Variants in CSMD1 observed in about 807,000 individuals in gnomAD.
The protein encoded by CSMD1 is CUB and Sushi multiple domains 1.
CSMD1 carries 213 observed loss-of-function variants against 417.5 expected under a neutral mutation model. That is an observed-to-expected ratio of 0.51 (90% confidence interval 0.46 to 0.57). The LOEUF (loss-of-function observed/expected upper bound fraction) is 0.57. Ranked by LOEUF, CSMD1 falls within the 20% of genes least tolerant of loss-of-function variation. The probability of loss-of-function intolerance (pLI) is 0.00; values close to 1 mark genes in which losing one functional copy is unlikely to be tolerated. For missense variants in CSMD1, 6,923 were observed against 4,529.7 expected (o/e 1.53, Z -15.17); for synonymous variants, 2,862 against 1,736.8 (o/e 1.65, Z -16.11).
chr8:3,165,915 G>A (rs998728493), intron 37 of CSMD1, among the ~76,000 whole-genome samples: 2 of 152,098 alleles, frequency 1.3e-5, no homozygotes, highest in Admixed American at 6.5e-5. Flanking sequence ...GAAAGGAGGT[G>A]GGGGAATGTA....
At chr8:4,774,785 G>T (rs1796763627) in intron 1 of CSMD1, among the ~76,000 whole-genome samples, 1 of 152,044 alleles carries the variant, frequency 6.6e-6, no homozygotes, top group Non-Finnish European at 1.5e-5. Context: ...AAAGCCTGTA[G>T]CACCTCCCCG....
At chr8:3,842,260 C>T (rs1406975355) in intron 5 of CSMD1, among the ~76,000 whole-genome samples, 3 of 152,218 alleles carry the variant, frequency 2.0e-5, no homozygotes, top group Non-Finnish European at 4.4e-5. Flanking sequence ...ACATTCAAAA[C>T]TAATTCCCAA....
At chr8:3,409,070 T>C (rs1812522322) in intron 13 of CSMD1, among the ~76,000 whole-genome samples, 1 of 152,198 alleles carries the variant, frequency 6.6e-6, no homozygotes, top group Non-Finnish European at 1.5e-5. Flanking sequence ...TTAAGTGTTA[T>C]ACAGCATTAT....
chr8:3,386,997 C>A (rs1384171318), intron 18 of CSMD1, among the ~76,000 whole-genome samples: 1 of 152,186 alleles, frequency 6.6e-6, no homozygotes, highest in African/African-American at 2.4e-5. Context: ...ACAGGAGTGG[C>A]TGTTATCACA....
At chr8:4,558,483 A>T (rs1363851475) in intron 2 of CSMD1, among the ~76,000 whole-genome samples, 1 of 152,192 alleles carries the variant, frequency 6.6e-6, no homozygotes, top group African/African-American at 2.4e-5. Flanking sequence ...AGTAACAGGT[A>T]AGTACAATTA....
intron 3 of CSMD1, among the ~76,000 whole-genome samples, chr8:4,079,041 C>T (rs1238616251): frequency 1.3e-5 from 2 of 151,130 alleles, no homozygotes; most frequent in Non-Finnish European, 2.9e-5. Flanking sequence ...GGTATGGACC[C>T]GACCACAAGA....
At chr8:3,601,790 A>T (rs966587534) in intron 8 of CSMD1, among the ~76,000 whole-genome samples, 2 of 152,178 alleles carry the variant, frequency 1.3e-5, no homozygotes, top group Non-Finnish European at 2.9e-5. Flanking sequence ...AATGTTTCCA[A>T]TTCGTTTAAA....
chr8:3,920,727 G>T (rs565300951), intron 5 of CSMD1, among the ~76,000 whole-genome samples: 2 of 112,880 alleles, frequency 1.8e-5, no homozygotes, highest in South Asian at 7.4e-4. Flanking sequence ...TGCATCTATT[G>T]AGATGATCCT....
intron 50 of CSMD1, among the ~76,000 whole-genome samples, chr8:3,044,609 T>A (rs1811315375): frequency 6.6e-6 from 1 of 151,202 alleles, no homozygotes; most frequent in Non-Finnish European, 1.5e-5. Flanking sequence ...ATGATCCAAA[T>A]CCAGTCTCAG....
intron 10 of CSMD1, among the ~76,000 whole-genome samples, chr8:3,533,248 A>G (rs568633748): frequency 6.6e-6 from 1 of 152,334 alleles, no homozygotes; most frequent in East Asian, 1.9e-4. Flanking sequence ...ATTGATAAGG[A>G]TAGATTACAT....
intron 26 of CSMD1, among the ~76,000 whole-genome samples, chr8:3,283,512 A>G (rs965362302): frequency 8.0e-5 from 12 of 149,960 alleles, no homozygotes; most frequent in Non-Finnish European, 1.5e-5. Context: ...CCCTAAAACA[A>G]AATTTTCCTT....
chr8:4,929,323 T>A (rs1398025570), intron 1 of CSMD1, among the ~76,000 whole-genome samples: 2 of 152,110 alleles, frequency 1.3e-5, no homozygotes, highest in East Asian at 3.9e-4. Context: ...ATTTCTACTC[T>A]TTAAGCCACC....
At chr8:4,365,399 A>C (rs534814083) in intron 3 of CSMD1, among the ~76,000 whole-genome samples, 6 of 152,294 alleles carry the variant, frequency 3.9e-5, no homozygotes, top group African/African-American at 1.4e-4. Context: ...GTTCTTTTTA[A>C]ATGTTAATTT....
intron 29 of CSMD1, among the ~76,000 whole-genome samples, 170 bp downstream of exon 29, chr8:3,219,085 C>A (rs1798052417): frequency 6.6e-6 from 1 of 152,090 alleles, no homozygotes; most frequent in Non-Finnish European, 1.5e-5. Flanking sequence ...AAATGCACCT[C>A]AGGAATATCT....
chr8:3,219,242 G>T lies in CSMD1; in HGVS notation c.4672+13C>A, dbSNP rs1482683758. ...CAAATTAATTCCCACTCAAATTCAGGCAATCGCAATACCTTTAAATTCAAT... is the reference window on the plus strand; with the variant it reads ...CAAATTAATTCCCACTCAAATTCAGTCAATCGCAATACCTTTAAATTCAAT... On this transcript the variant is annotated intron_variant, in intron 29 of 69. Transcript: ENST00000635120. 1 of 1,573,898 alleles carries T rather than the reference G, an allele frequency of 6.4e-7. No individual in the cohort carries two copies. Among genetic ancestry groups the T allele is most frequent in the South Asian group, 1.2e-5 (1 of 86,124 alleles).
At chr8:3,045,323 G>C (rs947742331) in intron 50 of CSMD1, among the ~76,000 whole-genome samples, 14 of 152,126 alleles carry the variant, frequency 9.2e-5, no homozygotes, top group African/African-American at 3.4e-4. Flanking sequence ...ACAATGAGAA[G>C]CAATTTTGTT....
In CSMD1 at chr8:4,461,740, T is replaced by TA. The variant is rs1491564535; in HGVS notation, c.303-41676dup. Among the ~76,000 whole-genome samples, 11 of 60,846 alleles carry TA rather than the reference T, an allele frequency of 1.8e-4. No individual in the cohort carries two copies. The East Asian group carries it at 3.6e-3, about 20-fold the overall frequency. The allele number at this position is 60,846 out of a possible 152,430, so 39.9% of individuals were successfully genotyped here. A position where few individuals can be genotyped will look rare whatever the true frequency, so the allele number is the denominator to read the frequency against. On this transcript the variant is annotated intron_variant, in intron 2 of 69. Coordinates refer to ENST00000635120, the MANE Select transcript of CSMD1 (RefSeq NM_033225.6). The stretch of plus-strand genomic sequence containing the variant: ...TCATCTTATTTATTATTTATTTACT[T>TA]ATTTTTTTTTTTTTTTTGGAGATGG...
intron 1 of CSMD1, among the ~76,000 whole-genome samples, chr8:4,904,580 T>C (rs2117058088): frequency 6.6e-6 from 1 of 152,150 alleles, no homozygotes; most frequent in Admixed American, 6.5e-5. Context: ...TAAACACATA[T>C]AGTGAATATC....
intron 5 of CSMD1, among the ~76,000 whole-genome samples, chr8:3,785,463 C>A (rs976376248): frequency 5.9e-5 from 9 of 152,202 alleles, no homozygotes; most frequent in South Asian, 4.1e-4. Context: ...ATGGGCCATG[C>A]CCTCCTAAGG....
Sources: gnomAD v4.1 joint callset for allele counts (sites outside exome capture counted in the v4.1 genomes callset) on GRCh38, gnomAD v4.1.1 for gene constraint, MANE v1.5 for transcripts, NCBI Gene and HGNC (gene_info 2026-07-23, HGNC 2026-07-21) for gene names.